OSBPL10: variants seen among roughly 807,000 people sequenced by gnomAD.
The protein encoded by OSBPL10 is oxysterol-binding protein-related protein 10.
Under a neutral mutation model 81.7 loss-of-function variants are expected in OSBPL10, and 49 were observed. That is an observed-to-expected ratio of 0.60 (90% CI 0.48 to 0.76). OSBPL10 has a LOEUF of 0.76. Ranked by LOEUF, OSBPL10 falls within the 30% of genes least tolerant of loss-of-function variation. OSBPL10 has a pLI of 0.00. For missense variants in OSBPL10, 923 were observed against 987.8 expected, an observed-to-expected ratio of 0.93 and a Z score of 0.88; for synonymous variants, 419 against 383.6, an observed-to-expected ratio of 1.09 and a Z score of -1.08.
rs1241661257 is a variant in OSBPL10 at position 31,694,857 on chromosome 3, C to T, written c.1245+7502G>A. On this transcript the variant is annotated intron_variant, in intron 7 of 11. Coordinates refer to ENST00000396556, the MANE Select transcript of OSBPL10 (RefSeq NM_017784.5). ...GCAACCTCCGCCTCCAAGGTTCAAGCGATTCTCCTGCCTCAGCCTCCCAAG... is the reference window on the plus strand; with the variant it reads ...GCAACCTCCGCCTCCAAGGTTCAAGTGATTCTCCTGCCTCAGCCTCCCAAG... Among the ~76,000 whole-genome samples the T allele has an allele frequency of 2.6e-5, 4 of 152,274 alleles. No homozygotes were observed. In the South Asian group the frequency reaches 6.2e-4, roughly 24 times the overall value.
chr3:32,073,326 C>T (rs981203615), intron 1 of OSBPL10, among the ~76,000 whole-genome samples: 19 of 152,084 alleles, frequency 1.2e-4, no homozygotes, highest in African/African-American at 3.4e-4. Flanking sequence ...CCTAGCTGGA[C>T]GATCAGTTCT....
intron 7 of OSBPL10, among the ~76,000 whole-genome samples, chr3:31,689,414 T>C (rs1041438092): frequency 1.3e-5 from 2 of 152,162 alleles, no homozygotes; most frequent in East Asian, 3.9e-4. Context: ...ATGTGACACA[T>C]GTATACTATA....
intron 1 of OSBPL10, among the ~76,000 whole-genome samples, chr3:31,910,671 A>C (rs994977187): frequency 1.3e-5 from 2 of 152,008 alleles, no homozygotes; most frequent in Non-Finnish European, 2.9e-5. Flanking sequence ...AAGAATTCAG[A>C]GTCTGGGAAG....
intron 1 of OSBPL10, among the ~76,000 whole-genome samples, chr3:31,901,663 C>T (rs971258756): frequency 1.3e-5 from 2 of 152,228 alleles, no homozygotes; most frequent in Admixed American, 6.5e-5. Flanking sequence ...AACATCCACA[C>T]ATTCACTAGA....
chr3:31,744,142 T>C (rs1020786137), intron 5 of OSBPL10, among the ~76,000 whole-genome samples: 1 of 152,154 alleles, frequency 6.6e-6, no homozygotes, highest in Non-Finnish European at 1.5e-5. Context: ...GAATATGACA[T>C]GTAAAAAGGG....
intron 7 of OSBPL10, among the ~76,000 whole-genome samples, chr3:31,696,102 G>A (rs1325035839): frequency 1.3e-5 from 2 of 152,132 alleles, no homozygotes; most frequent in Admixed American, 1.3e-4. Flanking sequence ...AGAGCCATGT[G>A]GTTAACCATG....
chr3:31,951,728 T>C (rs1281470192), intron 1 of OSBPL10, among the ~76,000 whole-genome samples: 3 of 151,086 alleles, frequency 2.0e-5, no homozygotes, highest in Admixed American at 6.6e-5. Flanking sequence ...TATATAATTA[T>C]ATATTTAAAT....
intron 3 of OSBPL10, among the ~76,000 whole-genome samples, chr3:31,850,264 T>C (rs1700731249): frequency 6.6e-6 from 1 of 151,532 alleles, no homozygotes; most frequent in African/African-American, 2.4e-5. Flanking sequence ...AGCCCAGGAG[T>C]TTGAGGCTGC....
At chr3:31,676,645 T>C (rs1056959942) in intron 8 of OSBPL10, among the ~76,000 whole-genome samples, 10 of 152,244 alleles carry the variant, frequency 6.6e-5, no homozygotes, top group South Asian at 2.1e-4. Flanking sequence ...CCCGGCAGCA[T>C]TGGCACTCAC....
intron 2 of OSBPL10, among the ~76,000 whole-genome samples, chr3:32,012,683 G>A (rs1296120807): frequency 6.6e-6 from 1 of 152,186 alleles, no homozygotes; most frequent in Non-Finnish European, 1.5e-5. Flanking sequence ...TCAGTGTGCT[G>A]TATTCAGGAA....
intron 3 of OSBPL10, among the ~76,000 whole-genome samples, chr3:31,872,622 C>CTTTT (rs71097452): frequency 5.5e-5 from 7 of 127,858 alleles, no homozygotes; most frequent in East Asian, 2.2e-4. Flanking sequence ...AATTCAAAAG[C>CTTTT]TTTTTTTTTT....
intron 1 of OSBPL10, among the ~76,000 whole-genome samples, chr3:31,980,294 G>A (rs1308584861): frequency 6.6e-6 from 1 of 152,112 alleles, no homozygotes; most frequent in Non-Finnish European, 1.5e-5. Context: ...GAGCCACCGC[G>A]CCCGGCCTCT....
intron 2 of OSBPL10, among the ~76,000 whole-genome samples, chr3:31,987,950 A>G (rs1435582796): frequency 6.6e-6 from 1 of 152,248 alleles, no homozygotes; most frequent in Non-Finnish European, 1.5e-5. Flanking sequence ...GAGCAAACAC[A>G]TATTGCCTTT....
In OSBPL10 at chr3:31,879,704, G is replaced by C. The variant is rs1331514297; in HGVS notation, c.408C>G (p.Pro136=). ...TAGCAGAGTACACCACCAGCATGTG[G>C]GGAGCTTCATCGCTCAGGGACACTA... The part of the protein sequence containing the change: ...GAIVSLSDEA[P]HMLVVYSANG... Residue 136 remains proline, a synonymous_variant, in exon 2 of 12, where the codon CCC becomes CCG. Transcript: ENST00000396556. 1.4e-5 allele frequency: 22 copies of C among 1,614,008 alleles called. No individual in the cohort carries two copies. The highest frequency in any genetic ancestry group is 1.9e-5 in the Non-Finnish European group (22 of 1,180,022).
At chr3:31,832,149 G>C (rs1483500957) in intron 3 of OSBPL10, among the ~76,000 whole-genome samples, 8 of 152,130 alleles carry the variant, frequency 5.3e-5, no homozygotes, top group Non-Finnish European at 1.0e-4. Context: ...GCAAAATATA[G>C]CTTTTCCAAC....
chr3:31,971,776 A>AT (rs11398786), intron 1 of OSBPL10, among the ~76,000 whole-genome samples: 152,296 of 152,296 alleles, frequency 1, 76,148 homozygotes, highest in Non-Finnish European at 1. Flanking sequence ...ATAAAGTTTT[A>AT]TAGAACACAG....
At chr3:32,025,769 T>G (rs1411994874) in intron 2 of OSBPL10, among the ~76,000 whole-genome samples, 1 of 152,190 alleles carries the variant, frequency 6.6e-6, no homozygotes, top group Non-Finnish European at 1.5e-5. Flanking sequence ...ATTCATAATA[T>G]TCCCTTACAA....
intron 5 of OSBPL10, among the ~76,000 whole-genome samples, chr3:31,733,920 G>A (rs1046629023): frequency 3.9e-5 from 6 of 152,022 alleles, no homozygotes; most frequent in South Asian, 4.2e-4. Flanking sequence ...TGAGGCAGGA[G>A]AATGGAGTGA....
At chr3:31,958,537 T>C (rs1698070430) in intron 1 of OSBPL10, among the ~76,000 whole-genome samples, 5 of 152,054 alleles carry the variant, frequency 3.3e-5, no homozygotes, top group African/African-American at 9.7e-5. Flanking sequence ...TCAGTAACAG[T>C]TGTATTAGGA....
Sources: allele counts gnomAD v4.1 joint callset (sites outside exome capture counted in the v4.1 genomes callset), GRCh38; gene constraint gnomAD v4.1.1; transcripts MANE v1.5; gene names NCBI Gene and HGNC (gene_info 2026-07-23, HGNC 2026-07-21).